The following NTM variants were observed in gnomAD, a reference collection of about 807,000 sequenced individuals.
NTM encodes the protein IgLON family member 2.
Under a neutral mutation model 42.1 loss-of-function variants are expected in NTM, and 13 were observed. That is an observed-to-expected ratio of 0.31 (90% confidence interval 0.20 to 0.49). The LOEUF is 0.49. Ranked by LOEUF, NTM falls within the 20% of genes least tolerant of loss-of-function variation. The probability of loss-of-function intolerance (pLI) is 0.99; values close to 1 mark genes in which losing one functional copy is unlikely to be tolerated. For missense variants in NTM, 373 were observed against 452.8 expected (o/e 0.82, Z 1.60); for synonymous variants, 187 against 179.2 (o/e 1.04, Z -0.35).
At chr11:132,059,734 C>T (rs141273315) in intron 2 of NTM, among the ~76,000 whole-genome samples, 1 of 150,832 alleles carries the variant, frequency 6.6e-6, no homozygotes, top group Non-Finnish European at 1.5e-5. Context: ...CGCCCCACAC[C>T]ACCCCCCATC....
intron 4 of NTM, among the ~76,000 whole-genome samples, chr11:132,272,863 G>A (rs1159666779): frequency 1.3e-5 from 2 of 151,912 alleles, no homozygotes; most frequent in Non-Finnish European, 2.9e-5. Flanking sequence ...ACATTTTCTT[G>A]CCTAGTAGTC....
At chr11:131,832,206 G>C (rs978195034) in intron 1 of NTM, among the ~76,000 whole-genome samples, 1 of 147,680 alleles carries the variant, frequency 6.8e-6, no homozygotes, top group African/African-American at 2.5e-5. Flanking sequence ...AAAAAAAACA[G>C]AGTTCATATG....
intron 3 of NTM, among the ~76,000 whole-genome samples, chr11:132,188,143 A>G (rs1273682769): frequency 1.3e-5 from 2 of 152,156 alleles, no homozygotes; most frequent in Non-Finnish European, 2.9e-5. Flanking sequence ...AATTAGCATG[A>G]AGATGCTACT....
At chr11:131,518,576 G>T (rs1030101198) in intron 1 of NTM, among the ~76,000 whole-genome samples, 1 of 152,176 alleles carries the variant, frequency 6.6e-6, no homozygotes, top group Non-Finnish European at 1.5e-5. Flanking sequence ...CACCATTGGG[G>T]AGGAATTTCA....
intron 2 of NTM, among the ~76,000 whole-genome samples, chr11:132,010,174 ACTCT>A (rs1452570547): frequency 1.3e-5 from 2 of 152,008 alleles, no homozygotes; most frequent in Non-Finnish European, 2.9e-5. Context: ...CTTTGATCTT[ACTCT>A]CTATTTGGAA....
intron 1 of NTM, among the ~76,000 whole-genome samples, chr11:131,519,479 T>C (rs879117454): frequency 3.3e-4 from 48 of 143,992 alleles, no homozygotes; most frequent in African/African-American, 1.2e-3. Flanking sequence ...GGTTAGCACC[T>C]GAGAGGTGAA....
intron 1 of NTM, among the ~76,000 whole-genome samples, chr11:131,590,925 G>A (rs1232229712): frequency 6.6e-6 from 1 of 152,174 alleles, no homozygotes. Flanking sequence ...CATCATTTGG[G>A]CAGTGCTCAG....
intron 1 of NTM, among the ~76,000 whole-genome samples, chr11:131,593,913 C>A (rs2059599065): frequency 6.6e-6 from 1 of 152,158 alleles, no homozygotes; most frequent in Non-Finnish European, 1.5e-5. Context: ...TTATTTCCCC[C>A]TTGTGGTGCC....
rs559872294 is a variant in NTM at position 131,434,225 on chromosome 11, A to G, written c.82+63337A>G. On this transcript the variant is annotated intron_variant, in intron 1 of 8. Coordinates refer to ENST00000683400, the MANE Select transcript of NTM (RefSeq NM_001352005.2). The stretch of plus-strand genomic sequence containing the variant: ...GTGTTGGTTCCAAGTCTTTGCTATC[A>G]TGAATAGTGCCGCAGTAAACATACG... 2.0e-3 allele frequency among the ~76,000 whole-genome samples: 307 copies of G among 152,296 alleles called. 1 individual carries two copies. Among genetic ancestry groups the G allele is most frequent in the African/African-American group, 7.0e-3 (291 of 41,562 alleles).
chr11:132,129,892 C>A lies in NTM; in HGVS notation c.168-16390C>A, dbSNP rs557983290. On this transcript the variant is annotated intron_variant, in intron 2 of 8. Coordinates refer to ENST00000683400, the MANE Select transcript of NTM (RefSeq NM_001352005.2). ...TTCTCTTCCCCTTTTTCATCTTCACCTACCTCCATTTTCTTGAGTTTTCTT... is the reference window on the plus strand; with the variant it reads ...TTCTCTTCCCCTTTTTCATCTTCACATACCTCCATTTTCTTGAGTTTTCTT... Among the ~76,000 whole-genome samples the A allele has an allele frequency of 2.0e-5, 3 of 152,300 alleles. No homozygotes were observed. In the East Asian group the frequency reaches 5.8e-4, roughly 29 times the overall value.
At chr11:131,835,986 G>A (rs1411397762) in intron 1 of NTM, among the ~76,000 whole-genome samples, 2 of 152,144 alleles carry the variant, frequency 1.3e-5, no homozygotes, top group Non-Finnish European at 2.9e-5. Flanking sequence ...CTGTTTATAT[G>A]GAGAGTAAAA....
At chr11:132,261,238 A>C (rs2092831273) in intron 4 of NTM, among the ~76,000 whole-genome samples, 1 of 152,060 alleles carries the variant, frequency 6.6e-6, no homozygotes, top group Admixed American at 6.5e-5. Flanking sequence ...ACTTCCAAAC[A>C]AGCTCTCAAG....
At chr11:131,949,610 C>T (rs1432946092) in intron 2 of NTM, among the ~76,000 whole-genome samples, 1 of 152,146 alleles carries the variant, frequency 6.6e-6, no homozygotes, top group African/African-American at 2.4e-5. Context: ...GTGTTGGGTC[C>T]ACCTTGAGTA....
chr11:131,605,300 A>G (rs2060849518), intron 1 of NTM, among the ~76,000 whole-genome samples: 1 of 151,748 alleles, frequency 6.6e-6, no homozygotes, highest in South Asian at 2.1e-4. Context: ...TGAGTACTTT[A>G]CTCTTTTTGA....
At chr11:131,513,384 A>G (rs2048498558) in intron 1 of NTM, among the ~76,000 whole-genome samples, 1 of 152,120 alleles carries the variant, frequency 6.6e-6, no homozygotes, top group Non-Finnish European at 1.5e-5. Context: ...CAAGAGGTCC[A>G]CAGACCACAG....
chr11:131,422,750 C>G (rs1400258879), intron 1 of NTM, among the ~76,000 whole-genome samples: 1 of 152,150 alleles, frequency 6.6e-6, no homozygotes, highest in Non-Finnish European at 1.5e-5. Context: ...TTGCAGATGG[C>G]TAATTTTACT....
chr11:132,279,307 C>T (rs2093872671), intron 4 of NTM, among the ~76,000 whole-genome samples: 1 of 152,216 alleles, frequency 6.6e-6, no homozygotes, highest in Non-Finnish European at 1.5e-5. Context: ...TGTGCTATTT[C>T]TCTCATGAAT....
chr11:131,472,879 A>G (rs892389985), intron 1 of NTM, among the ~76,000 whole-genome samples: 1 of 152,088 alleles, frequency 6.6e-6, no homozygotes, highest in African/African-American at 2.4e-5. Context: ...TACCCCCCAG[A>G]GATTGAGTCA....
At chr11:131,970,753 G>A (rs1395013352) in intron 2 of NTM, among the ~76,000 whole-genome samples, 1 of 152,178 alleles carries the variant, frequency 6.6e-6, no homozygotes, top group Non-Finnish European at 1.5e-5. Flanking sequence ...TGAGGGTTGA[G>A]TTAATCACAT....
Sources: allele counts gnomAD v4.1 joint callset (sites outside exome capture counted in the v4.1 genomes callset), GRCh38; gene constraint gnomAD v4.1.1; transcripts MANE v1.5; gene names NCBI Gene and HGNC (gene_info 2026-07-23, HGNC 2026-07-21).